The following SAMD5 variants were observed in gnomAD, a reference collection of about 807,000 sequenced individuals.
The protein encoded by SAMD5 is sterile alpha motif domain containing 5, also known as sterile alpha motif domain-containing protein 5.
Under a neutral mutation model 11.3 loss-of-function variants are expected in SAMD5, and 13 were observed. That is an observed-to-expected ratio of 1.15 (90% confidence interval 0.75 to 1.83). The LOEUF (loss-of-function observed/expected upper bound fraction) is 1.83. Among genes scored for constraint, SAMD5 ranks in the 40% most tolerant of loss-of-function variants. The pLI is 0.00. For synonymous variants in SAMD5, 129 were observed against 111.3 expected, an observed-to-expected ratio of 1.16 and a Z score of -1.00; for missense variants, 255 against 239.1, an observed-to-expected ratio of 1.07 and a Z score of -0.44.
At position 147,710,866 on chromosome 6, in the gene SAMD5, G is replaced by A. The variant is rs116462038; in HGVS notation, c.163-26451G>A. ...ATACTTGTTACTTGTCTCCTGCACC[G>A]GATAGTAAGTACTTTGAAGGGAGAA... is the stretch of plus-strand genomic sequence containing the variant. On this transcript the variant is annotated intron_variant, in intron 1 of 1. Coordinates refer to the SAMD5 transcript ENST00000566741. 5.9e-3 allele frequency among the ~76,000 whole-genome samples: 898 copies of A among 152,062 alleles called. 12 individuals carry two copies. The highest frequency in any genetic ancestry group is 0.02 in the African/African-American group (845 of 41,462).
intron 1 of SAMD5, among the ~76,000 whole-genome samples, chr6:147,543,007 T>C (rs1788630200): frequency 6.6e-6 from 1 of 152,118 alleles, no homozygotes; most frequent in Non-Finnish European, 1.5e-5. Context: ...CAGTTATAAT[T>C]TTGCAAAGAC....
the SAMD5 span, among the ~76,000 whole-genome samples, chr6:147,755,531 G>A: frequency 6.6e-6 from 1 of 152,122 alleles, no homozygotes; most frequent in South Asian, 2.1e-4. Flanking sequence ...TTTCTGTACA[G>A]ATATGAAAGT....
intron 1 of SAMD5, among the ~76,000 whole-genome samples, chr6:147,561,846 C>T (rs915249492): frequency 2.6e-5 from 4 of 152,106 alleles, no homozygotes; most frequent in Non-Finnish European, 5.9e-5. Context: ...AGAATGACGG[C>T]GCATTCGGCA....
rs1472517189 is a variant in SAMD5 at position 147,632,082 on chromosome 6, GAGA to G, written c.163-105232_163-105230del. 2.6e-5 allele frequency among the ~76,000 whole-genome samples: 4 copies of G among 152,070 alleles called. No homozygotes were observed. The East Asian group carries it at 5.8e-4, about 22-fold the overall frequency. On this transcript the variant is annotated intron_variant, in intron 1 of 1. Coordinates refer to the SAMD5 transcript ENST00000566741. Reference sequence around the variant, plus strand: ...GGGGGAGTAGGTGGGAGTGACCGATGAGAAGGAGAAAAACTTGCCATGAGGGAT... The same window carrying G: ...GGGGGAGTAGGTGGGAGTGACCGATGAGGAGAAAAACTTGCCATGAGGGAT...
At chr6:147,816,297 AAAAAATAT>A in the SAMD5 span, among the ~76,000 whole-genome samples, 1 of 86,642 alleles carries the variant, frequency 1.2e-5, no homozygotes, top group African/African-American at 6.7e-5. Flanking sequence ...AAAAAAAAAA[AAAAAATAT>A]ATATATATAT....
At chr6:147,724,358 A>G (rs1791596755) in intron 1 of SAMD5, among the ~76,000 whole-genome samples, 1 of 152,206 alleles carries the variant, frequency 6.6e-6, no homozygotes, top group South Asian at 2.1e-4. Flanking sequence ...ATTAAATGGC[A>G]GCAAATTTTA....
At chr6:147,908,710 A>G in the SAMD5 span, among the ~76,000 whole-genome samples, 1 of 152,220 alleles carries the variant, frequency 6.6e-6, no homozygotes, top group Non-Finnish European at 1.5e-5. Context: ...CACTGAAACA[A>G]TAGGAGAAAA....
chr6:147,805,890 C>G, the SAMD5 span, among the ~76,000 whole-genome samples: 6 of 152,094 alleles, frequency 3.9e-5, no homozygotes, highest in Admixed American at 6.6e-5. Flanking sequence ...GGTACTGATC[C>G]ACTTAAAGTT....
chr6:147,728,720 G>C (rs1791665117), intron 1 of SAMD5, among the ~76,000 whole-genome samples: 1 of 152,188 alleles, frequency 6.6e-6, no homozygotes, highest in South Asian at 2.1e-4. Context: ...AAATAGGCCA[G>C]TCTAAACTGA....
chr6:147,748,413 G>A, the SAMD5 span, among the ~76,000 whole-genome samples: 1 of 152,176 alleles, frequency 6.6e-6, no homozygotes, highest in Non-Finnish European at 1.5e-5. Flanking sequence ...TAGTAATAAT[G>A]CCCACCGCAT....
downstream of SAMD5, among the ~76,000 whole-genome samples, chr6:147,571,158 C>G (rs1789132747): frequency 6.6e-6 from 1 of 152,192 alleles, no homozygotes; most frequent in African/African-American, 2.4e-5. Flanking sequence ...AAACCTTATG[C>G]TTCAGGTCCT....
the SAMD5 span, among the ~76,000 whole-genome samples, chr6:147,849,359 AT>A: frequency 1.3e-5 from 2 of 151,612 alleles, no homozygotes; most frequent in Admixed American, 6.6e-5. Context: ...TGCTTTAAAA[AT>A]TTTTTTTTAA....
At chr6:147,611,208 G>A (rs1460777433) in intron 1 of SAMD5, among the ~76,000 whole-genome samples, 2 of 152,054 alleles carry the variant, frequency 1.3e-5, no homozygotes, top group Non-Finnish European at 2.9e-5. Context: ...AAGAAGCCCA[G>A]CTCTGGAACT....
At chr6:147,574,864 A>G (rs1204254351), downstream of SAMD5, among the ~76,000 whole-genome samples, 1 of 152,200 alleles carries the variant, frequency 6.6e-6, no homozygotes, top group Admixed American at 6.5e-5. Context: ...CATTGGCAAC[A>G]CCTGAATTTT....
At chr6:147,726,614 G>A (rs1791633486) in intron 1 of SAMD5, among the ~76,000 whole-genome samples, 1 of 152,344 alleles carries the variant, frequency 6.6e-6, no homozygotes, top group Admixed American at 6.5e-5. Flanking sequence ...TTTATAGGGT[G>A]TGGGGGTTAA....
At chr6:147,822,352 G>A in the SAMD5 span, among the ~76,000 whole-genome samples, 2 of 152,066 alleles carry the variant, frequency 1.3e-5, no homozygotes, top group East Asian at 3.8e-4. Flanking sequence ...TCCTTTAACG[G>A]TGAATGTGAA....
chr6:147,914,680 A>G, the SAMD5 span, among the ~76,000 whole-genome samples: 1 of 152,292 alleles, frequency 6.6e-6, no homozygotes, highest in African/African-American at 2.4e-5. Context: ...TTGACTTACA[A>G]TATCTCTCCA....
chr6:147,723,167 G>A (rs1791579067), intron 1 of SAMD5, among the ~76,000 whole-genome samples: 2 of 152,148 alleles, frequency 1.3e-5, no homozygotes, highest in Admixed American at 1.3e-4. Context: ...GTCTCAGGAT[G>A]GTCCTGTGAG....
chr6:147,701,539 C>T (rs1330498508), intron 1 of SAMD5, among the ~76,000 whole-genome samples: 3 of 151,568 alleles, frequency 2.0e-5, no homozygotes, highest in African/African-American at 7.3e-5. Flanking sequence ...GAGGCTGAGG[C>T]GTGAGAATCA....
Sources: allele counts gnomAD v4.1 joint callset (sites outside exome capture counted in the v4.1 genomes callset), GRCh38; gene constraint gnomAD v4.1.1; transcripts MANE v1.5; gene names NCBI Gene and HGNC (gene_info 2026-07-23, HGNC 2026-07-21).